The following TADA2A variants were observed in gnomAD, a reference collection of about 807,000 sequenced individuals.
The protein encoded by TADA2A is transcriptional adapter 2-alpha.
A neutral mutation model predicts 67.4 loss-of-function variants in TADA2A; 38 were observed. The ratio of observed to expected loss-of-function variants is 0.56; its 90% CI spans 0.44 to 0.74. The LOEUF (loss-of-function observed/expected upper bound fraction) is 0.74, where lower values mean the gene tolerates loss of function less well. Ranked by LOEUF, TADA2A falls within the 30% of genes least tolerant of loss-of-function variation. The pLI is 0.00. For missense variants in TADA2A, 454 were observed against 547.0 expected (o/e 0.83, Z 1.70); for synonymous variants, 192 against 181.6 (o/e 1.06, Z -0.46).
intron 3 of TADA2A, chr17:37,426,617 T>C: frequency 6.4e-6 from 1 of 155,626 alleles, no homozygotes; most frequent in South Asian, 1.9e-4. Flanking sequence ...TGCAGTGAGC[T>C]GAGATGGCGC....
At chr17:37,426,757 A>T (rs1024073008) in intron 3 of TADA2A, 193 bp from the exon 4 acceptor site, 1 of 457,802 alleles carries the variant, frequency 2.2e-6, no homozygotes, top group African/African-American at 2.1e-5. Flanking sequence ...AGGTACAAGG[A>T]TCCCTTGAGC....
intron 4 of TADA2A, 90 bp downstream of exon 4, chr17:37,427,099 T>A: frequency 9.0e-7 from 1 of 1,107,180 alleles, no homozygotes. Flanking sequence ...CTTTAAGCTC[T>A]CTTGGACTTC....
chr17:37,415,542 C>G (rs1196275808), intron 2 of TADA2A, among the ~76,000 whole-genome samples: 7 of 152,062 alleles, frequency 4.6e-5, no homozygotes, highest in African/African-American at 1.7e-4. Flanking sequence ...AGATAATGCC[C>G]CTCTATATGA....
intron 4 of TADA2A, among the ~76,000 whole-genome samples, chr17:37,428,951 C>T (rs1472476714): frequency 1.4e-5 from 2 of 148,112 alleles, no homozygotes; most frequent in Admixed American, 6.9e-5. Context: ...GAGGTTGAGG[C>T]GGGAGAATGA....
At chr17:37,416,322 G>T (rs1321137007) in intron 2 of TADA2A, among the ~76,000 whole-genome samples, 1 of 151,668 alleles carries the variant, frequency 6.6e-6, no homozygotes, top group Non-Finnish European at 1.5e-5. Context: ...TTTCCTTCGT[G>T]TTGGCCAGGC....
At chr17:37,439,736 G>A (rs1462079106) in intron 5 of TADA2A, among the ~76,000 whole-genome samples, 1 of 152,012 alleles carries the variant, frequency 6.6e-6, no homozygotes, top group African/African-American at 2.4e-5. Context: ...TCTCATAGCA[G>A]CTCTAGTAAA....
intron 3 of TADA2A, 153 bp from the exon 4 acceptor site, chr17:37,426,797 A>G (rs2052423414): frequency 3.4e-6 from 2 of 585,638 alleles, no homozygotes; most frequent in South Asian, 2.2e-5. Context: ...GTGAGCTATG[A>G]TGGTGCCACT....
intron 5 of TADA2A, among the ~76,000 whole-genome samples, chr17:37,439,072 C>A (rs1218658449): frequency 6.6e-6 from 1 of 152,084 alleles, no homozygotes; most frequent in Non-Finnish European, 1.5e-5. Flanking sequence ...GAAAGGACTT[C>A]CACCTGTACC....
intron 11 of TADA2A, 29 bp from the exon 12 acceptor site, chr17:37,467,425 T>G: frequency 1.2e-6 from 2 of 1,600,830 alleles, no homozygotes; most frequent in Non-Finnish European, 1.7e-6. Flanking sequence ...TTTTGTAATT[T>G]TTTCCTTCAT....
intron 3 of TADA2A, among the ~76,000 whole-genome samples, chr17:37,423,929 T>C (rs1203734943): frequency 6.6e-6 from 1 of 151,938 alleles, no homozygotes; most frequent in East Asian, 2.0e-4. Flanking sequence ...TTTGTATTTT[T>C]AGTAGAGACG....
In TADA2A at chr17:37,440,199, C is replaced by T. The variant is rs115314892; in HGVS notation, c.285-306C>T. 9.6e-3 allele frequency among the ~76,000 whole-genome samples: 1,459 copies of T among 152,122 alleles called. 29 individuals are homozygous for T. Among genetic ancestry groups the T allele is most frequent in the African/African-American group, 0.033 (1,374 of 41,504 alleles). ...CAACCTCAGGTGATCCACCTACCTC[C>T]CAAAGTGCTGGGATTACAGGTGTGA... On this transcript the variant is annotated intron_variant, in intron 5 of 15. Coordinates refer to ENST00000615182, the MANE Select transcript of TADA2A (RefSeq NM_001166105.3).
intron 8 of TADA2A, among the ~76,000 whole-genome samples, chr17:37,457,053 A>G (rs1307971518): frequency 6.6e-6 from 1 of 152,100 alleles, no homozygotes; most frequent in Non-Finnish European, 1.5e-5. Context: ...CACTCTAAAC[A>G]GTTGCTGCTC....
At chr17:37,457,059 T>G (rs1486262386) in intron 8 of TADA2A, among the ~76,000 whole-genome samples, 1 of 152,160 alleles carries the variant, frequency 6.6e-6, no homozygotes, top group African/African-American at 2.4e-5. Context: ...AAACAGTTGC[T>G]GCTCCCCAAC....
At chr17:37,433,848 G>A (rs1359584716) in intron 4 of TADA2A, among the ~76,000 whole-genome samples, 1 of 151,934 alleles carries the variant, frequency 6.6e-6, no homozygotes, top group Non-Finnish European at 1.5e-5. Context: ...CAGATGTTCT[G>A]GAGGCTGAGG....
chr17:37,441,210 C>T (rs1394646215), intron 6 of TADA2A, among the ~76,000 whole-genome samples: 1 of 152,150 alleles, frequency 6.6e-6, no homozygotes, highest in East Asian at 1.9e-4. Context: ...GTAGTTCCAC[C>T]TACCTTGAGT....
chr17:37,439,344 A>G (rs1345488248), intron 5 of TADA2A, among the ~76,000 whole-genome samples: 1 of 152,082 alleles, frequency 6.6e-6, no homozygotes, highest in Non-Finnish European at 1.5e-5. Flanking sequence ...GTACAGGGGC[A>G]TGAGCTTGAC....
chr17:37,457,940 T>A (rs2053440071), intron 8 of TADA2A, among the ~76,000 whole-genome samples: 1 of 152,160 alleles, frequency 6.6e-6, no homozygotes, highest in Admixed American at 6.6e-5. Flanking sequence ...TAACTTTTAT[T>A]TTAAATTCAG....
chr17:37,432,559 G>A (rs2052600854), intron 4 of TADA2A, among the ~76,000 whole-genome samples: 1 of 152,198 alleles, frequency 6.6e-6, no homozygotes, highest in African/African-American at 2.4e-5. Context: ...GTAATATTCT[G>A]TTGTACGAAC....
chr17:37,436,162 A>C (rs2052719622), intron 4 of TADA2A, among the ~76,000 whole-genome samples: 1 of 152,096 alleles, frequency 6.6e-6, no homozygotes, highest in Non-Finnish European at 1.5e-5. Context: ...ACTAATCTCA[A>C]AATAACTGTC....
Sources: gnomAD v4.1 joint callset for allele counts (sites outside exome capture counted in the v4.1 genomes callset) on GRCh38, gnomAD v4.1.1 for gene constraint, MANE v1.5 for transcripts, NCBI Gene and HGNC (gene_info 2026-07-23, HGNC 2026-07-21) for gene names.